CHRNA7: variants seen among roughly 807,000 people sequenced by gnomAD.
CHRNA7 encodes cholinergic receptor nicotinic alpha 7 subunit.
In CHRNA7, 17 loss-of-function variants were observed where a neutral mutation model predicts 48.0. That is an observed-to-expected ratio of 0.35 (90% CI 0.24 to 0.53). CHRNA7 has a LOEUF of 0.53. Among genes scored for constraint, CHRNA7 ranks in the 20% least tolerant of loss-of-function variants. CHRNA7 has a pLI of 0.92. For missense variants in CHRNA7, 155 were observed against 577.7 expected (o/e 0.27, Z 7.50); for synonymous variants, 75 against 242.3 (o/e 0.31, Z 6.41).
At chr15:32,068,253 A>C (rs770655408) in intron 2 of CHRNA7, among the ~76,000 whole-genome samples, 1 of 152,164 alleles carries the variant, frequency 6.6e-6, no homozygotes, top group Non-Finnish European at 1.5e-5. Context: ...TTGAGGCTAC[A>C]GTGAACTGTG....
chr15:32,078,371 A>G (rs1211419582), intron 2 of CHRNA7, among the ~76,000 whole-genome samples: 1 of 152,020 alleles, frequency 6.6e-6, no homozygotes, highest in Non-Finnish European at 1.5e-5. Flanking sequence ...TAGGTCTGTG[A>G]TCCATTTTGA....
chr15:32,051,423 G>A (rs1317058868), intron 2 of CHRNA7, among the ~76,000 whole-genome samples: 1 of 152,146 alleles, frequency 6.6e-6, no homozygotes, highest in Non-Finnish European at 1.5e-5. Context: ...AGCAATCAGT[G>A]AGACTCCATG....
chr15:32,066,532 G>T (rs973036252), intron 2 of CHRNA7, among the ~76,000 whole-genome samples: 1 of 151,920 alleles, frequency 6.6e-6, no homozygotes, highest in East Asian at 1.9e-4. Context: ...TGCCTGCCTC[G>T]GCCTCCCAAA....
intron 4 of CHRNA7, among the ~76,000 whole-genome samples, chr15:32,136,026 A>G (rs2051250009): frequency 6.6e-6 from 1 of 152,214 alleles, no homozygotes; most frequent in African/African-American, 2.4e-5. Flanking sequence ...TCGGGAAAAC[A>G]TATACTAAAG....
intron 3 of CHRNA7, among the ~76,000 whole-genome samples, chr15:32,110,577 A>G (rs1479076789): frequency 6.6e-6 from 1 of 152,126 alleles, no homozygotes; most frequent in Non-Finnish European, 1.5e-5. Context: ...TCCTCAGAGA[A>G]TGGTTGGTCT....
chr15:32,030,714 T>G, intron 1 of CHRNA7, 65 bp downstream of exon 1: 2 of 1,539,642 alleles, frequency 1.3e-6, no homozygotes. Context: ...CGGGCGCCTC[T>G]GTGCGCCCCG....
chr15:32,099,918 C>T (rs1388574087), intron 2 of CHRNA7: 1 of 152,156 alleles, frequency 6.6e-6, no homozygotes, highest in Non-Finnish European at 1.5e-5. Context: ...TGTTCAGCAT[C>T]TTGTGGACAT....
At chr15:32,128,884 C>A (rs1292690476) in intron 4 of CHRNA7, among the ~76,000 whole-genome samples, 1 of 151,852 alleles carries the variant, frequency 6.6e-6, no homozygotes, top group Non-Finnish European at 1.5e-5. Flanking sequence ...ATGATGCTAG[C>A]TGTAGGTTTT....
intron 2 of CHRNA7, among the ~76,000 whole-genome samples, chr15:32,048,880 C>T (rs1274902249): frequency 2.6e-5 from 4 of 151,742 alleles, no homozygotes; most frequent in African/African-American, 7.3e-5. Context: ...TCTTTGTTCT[C>T]GTTGGTTTCA....
intron 2 of CHRNA7, among the ~76,000 whole-genome samples, chr15:32,064,641 T>G (rs1401308388): frequency 1.3e-5 from 2 of 152,134 alleles, no homozygotes; most frequent in Non-Finnish European, 2.9e-5. Flanking sequence ...ATTAGGTCTT[T>G]TCTCTTCATT....
At chr15:32,101,530 C>T in intron 3 of CHRNA7, 183 bp downstream of exon 3, 1 of 647,700 alleles carries the variant, frequency 1.5e-6, no homozygotes, top group South Asian at 2.1e-5. Flanking sequence ...GGCTGTATGA[C>T]ACTACAGTCT....
chr15:32,090,707 A>G (rs1595435057), intron 2 of CHRNA7, among the ~76,000 whole-genome samples: 2 of 152,010 alleles, frequency 1.3e-5, no homozygotes, highest in South Asian at 2.1e-4. Flanking sequence ...AGCTATTTAC[A>G]TGCCAGAGCT....
chr15:32,128,510 A>G (rs1428131819), intron 4 of CHRNA7, among the ~76,000 whole-genome samples: 1 of 151,786 alleles, frequency 6.6e-6, no homozygotes, highest in Non-Finnish European at 1.5e-5. Flanking sequence ...TTAAATTTAT[A>G]TTTGTTTCAT....
At position 32,052,994 on chromosome 15, in the gene CHRNA7, A is replaced by G. The variant is rs145595107; in HGVS notation, c.195+21957A>G. 3.0e-3 allele frequency among the ~76,000 whole-genome samples: 456 copies of G among 152,294 alleles called. 5 individuals carry two copies. Among genetic ancestry groups the G allele is most frequent in the African/African-American group, 0.011 (441 of 41,560 alleles). ...AAAATATCACATGTACCTCCAAAAT[A>G]TGTACAGCTATTAGATATAAATAAA... is the stretch of plus-strand genomic sequence containing the variant. On this transcript the variant is annotated intron_variant, in intron 2 of 9. Coordinates refer to ENST00000306901, the MANE Select transcript of CHRNA7 (RefSeq NM_000746.6).
chr15:32,099,859 C>G (rs2050540650), intron 2 of CHRNA7: 1 of 152,210 alleles, frequency 6.6e-6, no homozygotes, highest in Admixed American at 6.5e-5. Flanking sequence ...AAACTCCTGG[C>G]ACATTTTATT....
At chr15:32,048,523 T>C (rs74739587) in intron 2 of CHRNA7, among the ~76,000 whole-genome samples, 5,321 of 152,298 alleles carry the variant, frequency 0.035, 134 homozygotes, top group Middle Eastern at 0.1. Context: ...ATATCCCCTT[T>C]ATCATTTTTT....
intron 4 of CHRNA7, among the ~76,000 whole-genome samples, chr15:32,152,204 G>A (rs1306557548): frequency 7.4e-6 from 1 of 135,116 alleles, no homozygotes; most frequent in African/African-American, 2.7e-5. Context: ...AGCACTTTGA[G>A]AGGCTAAGTG....
chr15:32,082,392 G>A (rs2050231165), intron 2 of CHRNA7, among the ~76,000 whole-genome samples: 1 of 150,536 alleles, frequency 6.6e-6, no homozygotes, highest in Admixed American at 6.6e-5. Context: ...TTTTACCTTT[G>A]TTTTTCAAAT....
chr15:32,113,666 C>T (rs373130865), intron 4 of CHRNA7, among the ~76,000 whole-genome samples: 2 of 152,038 alleles, frequency 1.3e-5, no homozygotes, highest in Non-Finnish European at 2.9e-5. Flanking sequence ...GCACACATTC[C>T]GTAAAGGCAG....
Sources: gnomAD v4.1 joint callset for allele counts (sites outside exome capture counted in the v4.1 genomes callset) on GRCh38, gnomAD v4.1.1 for gene constraint, MANE v1.5 for transcripts, NCBI Gene and HGNC (gene_info 2026-07-23, HGNC 2026-07-21) for gene names.